Variants in STAG1 observed in about 807,000 individuals in gnomAD.
The protein encoded by STAG1 is STAG1 cohesin complex component.
Under a neutral mutation model 170.9 loss-of-function variants are expected in STAG1, and 26 were observed. The observed-to-expected ratio is 0.15, with a 90% CI of 0.11 to 0.21. The LOEUF is 0.21. Among genes scored for constraint, STAG1 ranks in the 10% least tolerant of loss-of-function variants. The probability of loss-of-function intolerance (pLI) is 1.00; values close to 1 mark genes in which losing one functional copy is unlikely to be tolerated. For synonymous variants in STAG1, 514 were observed against 497.7 expected, an observed-to-expected ratio of 1.03 and a Z score of -0.44; for missense variants, 964 against 1,509.5, an observed-to-expected ratio of 0.64 and a Z score of 5.99.
chr3:136,362,605 C>CAAAA (rs1237413699), intron 26 of STAG1, among the ~76,000 whole-genome samples: 1 of 42,442 alleles, frequency 2.4e-5, no homozygotes, highest in Non-Finnish European at 5.0e-5. Flanking sequence ...ATCATCTCTG[C>CAAAA]AAAAAAAAAA....
At chr3:136,606,877 T>G (rs1938973286) in intron 3 of STAG1, among the ~76,000 whole-genome samples, 1 of 151,508 alleles carries the variant, frequency 6.6e-6, no homozygotes, top group Non-Finnish European at 1.5e-5. Flanking sequence ...GCCTCCCGAG[T>G]AGCTGAAACT....
At chr3:136,655,837 G>A (rs915380648) in intron 1 of STAG1, among the ~76,000 whole-genome samples, 2 of 151,624 alleles carry the variant, frequency 1.3e-5, no homozygotes, top group African/African-American at 4.8e-5. Flanking sequence ...GATGTAAAAT[G>A]GTATAGCCAC....
At chr3:136,668,868 T>TTCCAGAACTA in intron 1 of STAG1, among the ~76,000 whole-genome samples, 1 of 152,292 alleles carries the variant, frequency 6.6e-6, no homozygotes, top group South Asian at 2.1e-4. Context: ...AGCAAAACAC[T>TTCCAGAACTA]TCCAGAACTA....
intron 4 of STAG1, among the ~76,000 whole-genome samples, chr3:136,574,432 T>C (rs1447439000): frequency 6.6e-6 from 1 of 152,126 alleles, no homozygotes; most frequent in African/African-American, 2.4e-5. Context: ...ATGGTTTATG[T>C]TTGCATGGTG....
chr3:136,453,754 T>TA (rs554629186), intron 13 of STAG1, among the ~76,000 whole-genome samples: 3,042 of 130,840 alleles, frequency 0.023, 48 homozygotes, highest in East Asian at 0.059. Flanking sequence ...TAAAGAAAAG[T>TA]AAAAAAAAAA....
At chr3:136,447,665 G>T (rs1367393930) in intron 14 of STAG1, among the ~76,000 whole-genome samples, 1 of 142,348 alleles carries the variant, frequency 7.0e-6, no homozygotes, top group Non-Finnish European at 1.5e-5. Context: ...GGAGGGCAGT[G>T]GTGCGATCTC....
chr3:136,671,298 A>AGC (rs1941972401), intron 1 of STAG1, among the ~76,000 whole-genome samples: 1 of 152,120 alleles, frequency 6.6e-6, no homozygotes, highest in Non-Finnish European at 1.5e-5. Context: ...ATAAAAAGAA[A>AGC]GCACACACAC....
At chr3:136,685,967 G>C (rs934362022) in intron 1 of STAG1, among the ~76,000 whole-genome samples, 2 of 152,158 alleles carry the variant, frequency 1.3e-5, no homozygotes, top group African/African-American at 4.8e-5. Flanking sequence ...TATGTATATT[G>C]TTTTAATAGA....
At chr3:136,701,330 T>TA (rs1169262777) in intron 1 of STAG1, among the ~76,000 whole-genome samples, 2 of 152,198 alleles carry the variant, frequency 1.3e-5, no homozygotes, top group Non-Finnish European at 2.9e-5. Context: ...AACTGAATTT[T>TA]ATCCTTGACC....
intron 15 of STAG1, among the ~76,000 whole-genome samples, chr3:136,436,116 C>T (rs112580071): frequency 5.3e-5 from 8 of 151,844 alleles, no homozygotes; most frequent in African/African-American, 1.4e-4. Flanking sequence ...CCACCACACC[C>T]GGCTAATTTT....
intron 1 of STAG1, among the ~76,000 whole-genome samples, chr3:136,686,523 G>A (rs998280605): frequency 3.3e-5 from 5 of 152,282 alleles, no homozygotes; most frequent in African/African-American, 1.2e-4. Flanking sequence ...GCCTCGAACC[G>A]TTAGGCCAAC....
At chr3:136,426,450 T>A (rs919553500) in intron 16 of STAG1, among the ~76,000 whole-genome samples, 4 of 152,172 alleles carry the variant, frequency 2.6e-5, no homozygotes, top group Non-Finnish European at 5.9e-5. Context: ...AGACAAGCCA[T>A]GTAGCCTAGA....
At chr3:136,342,375 GTGGCATGAT>G in intron 30 of STAG1, among the ~76,000 whole-genome samples, 1 of 152,076 alleles carries the variant, frequency 6.6e-6, no homozygotes, top group African/African-American at 2.4e-5. Context: ...CTGGAGTGCA[GTGGCATGAT>G]CTCAGCTCAC....
intron 1 of STAG1, among the ~76,000 whole-genome samples, chr3:136,639,242 G>A (rs1158589110): frequency 6.6e-6 from 1 of 151,626 alleles, no homozygotes; most frequent in African/African-American, 2.4e-5. Context: ...AGCTGAAGTG[G>A]GAGGGTCACT....
At chr3:136,490,597 CTAAT>C (rs1258773663) in intron 9 of STAG1, among the ~76,000 whole-genome samples, 3 of 152,080 alleles carry the variant, frequency 2.0e-5, no homozygotes, top group Non-Finnish European at 2.9e-5. Context: ...AAAATATCCT[CTAAT>C]TAATATTTAC....
Position 136,500,283 on chromosome 3 carries a change from T to A in STAG1, c.842A>T (p.Gln281Leu). The change falls in exon 9 of 34, where the codon CAG (glutamine) becomes CTG (leucine). Residue 281 changes from glutamine to leucine, a missense_variant. Gln to Leu is a moderately radical substitution (Grantham distance 113, BLOSUM62 -2). This residue lies in a region of STAG1 where 57 missense variants were observed against 157.6 expected (regional missense o/e 0.36). Transcript: ENST00000383202. ...GTTCATCATATTTTCGATTTCATCC[T>A]GATTTTCTTGCAGCTGAAATGAAAA... ...LQKRKELQEN[Q>L]DEIENMMNSI... 6.3e-7 allele frequency: 1 copy of A among 1,587,128 alleles called. No homozygotes were observed. Among genetic ancestry groups the A allele is most frequent in the Non-Finnish European group, 8.6e-7 (1 of 1,161,022 alleles).
At chr3:136,472,382 TAA>T (rs34529841) in intron 12 of STAG1, 29 bp downstream of exon 12, 1 of 1,521,900 alleles carries the variant, frequency 6.6e-7, no homozygotes, top group Non-Finnish European at 9.1e-7. Flanking sequence ...AAAATATCAA[TAA>T]AGTTAAAATA....
At chr3:136,443,067 G>A (rs577511353) in intron 15 of STAG1, among the ~76,000 whole-genome samples, 41 of 152,198 alleles carry the variant, frequency 2.7e-4, no homozygotes, top group Middle Eastern at 6.8e-3. Flanking sequence ...TGACACGCAT[G>A]GATTTTTAAA....
chr3:136,552,636 G>C (rs578082689), intron 5 of STAG1, among the ~76,000 whole-genome samples: 1 of 152,268 alleles, frequency 6.6e-6, no homozygotes, highest in African/African-American at 2.4e-5. Context: ...ACTCTATAAA[G>C]TGGGGCCTCA....
Sources: gnomAD v4.1 joint callset for allele counts (sites outside exome capture counted in the v4.1 genomes callset) on GRCh38, gnomAD v4.1.1 for gene constraint, gnomAD v4.1.1 regional missense constraint, MANE v1.5 for transcripts, NCBI Gene and HGNC (gene_info 2026-07-23, HGNC 2026-07-21) for gene names.